Variants in CHRM3 observed in about 807,000 individuals in gnomAD.
CHRM3 encodes the protein cholinergic receptor muscarinic 3.
A neutral mutation model predicts 41.8 loss-of-function variants in CHRM3; 11 were observed. The observed-to-expected ratio is 0.26, with a 90% CI of 0.17 to 0.44. The LOEUF (loss-of-function observed/expected upper bound fraction) is 0.44. Ranked by LOEUF, CHRM3 falls within the 20% of genes least tolerant of loss-of-function variation. The probability of loss-of-function intolerance (pLI) is 1.00; values close to 1 mark genes in which losing one functional copy is unlikely to be tolerated. For missense variants in CHRM3, 571 were observed against 745.4 expected (o/e 0.77, Z 2.72); for synonymous variants, 297 against 301.4 (o/e 0.99, Z 0.15).
chr1:239,679,759 A>T (rs531755094), intron 5 of CHRM3, among the ~76,000 whole-genome samples: 233 of 152,256 alleles, frequency 1.5e-3, no homozygotes, highest in Non-Finnish European at 3.1e-3. Flanking sequence ...TGTATGCATG[A>T]TAACTAAGAA....
intron 5 of CHRM3, among the ~76,000 whole-genome samples, chr1:239,716,191 C>A (rs1470403118): frequency 6.6e-6 from 1 of 151,940 alleles, no homozygotes; most frequent in Admixed American, 6.6e-5. Context: ...CCAAAGGGAG[C>A]TTTTAGAAGT....
chr1:239,900,742 C>G (rs1679480978), intron 6 of CHRM3, among the ~76,000 whole-genome samples: 1 of 152,116 alleles, frequency 6.6e-6, no homozygotes, highest in South Asian at 2.1e-4. Flanking sequence ...AAGGCCCCTA[C>G]AGCAATGAGG....
chr1:239,588,866 CT>C (rs1663727145), intron 3 of CHRM3, among the ~76,000 whole-genome samples: 1 of 152,090 alleles, frequency 6.6e-6, no homozygotes, highest in Admixed American at 6.5e-5. Context: ...AAGAAAATCA[CT>C]TGTTAAATTT....
At chr1:239,837,778 A>G (rs1673450447) in intron 6 of CHRM3, among the ~76,000 whole-genome samples, 1 of 152,184 alleles carries the variant, frequency 6.6e-6, no homozygotes, top group Non-Finnish European at 1.5e-5. Context: ...TTAGAGTTTG[A>G]TATTCTCCTA....
intron 5 of CHRM3, among the ~76,000 whole-genome samples, chr1:239,779,233 C>T (rs574202712): frequency 6.6e-6 from 1 of 152,250 alleles, no homozygotes; most frequent in East Asian, 1.9e-4. Flanking sequence ...ACACCCCCTG[C>T]CCCAACACAT....
At chr1:239,608,938 A>G (rs529155927) in intron 3 of CHRM3, among the ~76,000 whole-genome samples, 19 of 152,314 alleles carry the variant, frequency 1.2e-4, no homozygotes, top group African/African-American at 4.3e-4. Context: ...CTATAAATCA[A>G]AACACAGAGT....
chr1:239,613,808 C>T (rs1667327785), intron 3 of CHRM3, among the ~76,000 whole-genome samples: 1 of 151,714 alleles, frequency 6.6e-6, no homozygotes, highest in Non-Finnish European at 1.5e-5. Flanking sequence ...ACACTCAACC[C>T]GCAGTAATGA....
chr1:239,467,392 C>T (rs1347984944), intron 1 of CHRM3, among the ~76,000 whole-genome samples: 3 of 152,066 alleles, frequency 2.0e-5, no homozygotes, highest in Non-Finnish European at 2.9e-5. Context: ...ACCTCTGCCT[C>T]CTGGGTTCAA....
intron 1 of CHRM3, among the ~76,000 whole-genome samples, chr1:239,459,991 G>A (rs1665236145): frequency 6.6e-6 from 1 of 152,128 alleles, no homozygotes; most frequent in Non-Finnish European, 1.5e-5. Flanking sequence ...ATTTGACTCT[G>A]CAAACAGCCC....
chr1:239,749,413 A>G (rs1295341299), intron 5 of CHRM3, among the ~76,000 whole-genome samples: 1 of 152,154 alleles, frequency 6.6e-6, no homozygotes, highest in Non-Finnish European at 1.5e-5. Context: ...TCATGCCTGT[A>G]ATCCCAGCAC....
At chr1:239,890,608 T>TG (rs1678473019) in intron 6 of CHRM3, among the ~76,000 whole-genome samples, 2 of 152,294 alleles carry the variant, frequency 1.3e-5, no homozygotes, top group East Asian at 1.9e-4. Flanking sequence ...TGGTGGGCAG[T>TG]ACCAATTATT....
At chr1:239,715,013 G>A (rs1318548106) in intron 5 of CHRM3, among the ~76,000 whole-genome samples, 1 of 152,072 alleles carries the variant, frequency 6.6e-6, no homozygotes, top group African/African-American at 2.4e-5. Flanking sequence ...GACCATGGAG[G>A]TAAGGGGGAA....
At chr1:239,557,243 T>C (rs1420679230) in intron 3 of CHRM3, among the ~76,000 whole-genome samples, 2 of 152,186 alleles carry the variant, frequency 1.3e-5, no homozygotes, top group East Asian at 3.9e-4. Flanking sequence ...TCTCTGTCAG[T>C]GTGATTCAAA....
chr1:239,539,370 C>T (rs1658513058), intron 2 of CHRM3, among the ~76,000 whole-genome samples: 1 of 152,176 alleles, frequency 6.6e-6, no homozygotes. Flanking sequence ...GAGCTGTGAG[C>T]TGGATGTCCC....
intron 5 of CHRM3, among the ~76,000 whole-genome samples, chr1:239,775,530 T>C (rs1334080634): frequency 6.6e-6 from 1 of 152,246 alleles, no homozygotes; most frequent in Non-Finnish European, 1.5e-5. Flanking sequence ...TAATTTGTAC[T>C]CTAAGAACTT....
intron 1 of CHRM3, among the ~76,000 whole-genome samples, chr1:239,457,422 G>A (rs369896788): frequency 4.6e-5 from 7 of 152,144 alleles, no homozygotes; most frequent in African/African-American, 9.6e-5. Context: ...TGTTATATAC[G>A]TGTCTTCTAT....
intron 5 of CHRM3, among the ~76,000 whole-genome samples, chr1:239,768,352 G>T (rs1006218221): frequency 1.3e-5 from 2 of 152,132 alleles, no homozygotes; most frequent in Non-Finnish European, 1.5e-5. Context: ...CAGTAGTCAG[G>T]ATAGGGTAAA....
chr1:239,898,644 T>C (rs1490494966), intron 6 of CHRM3, among the ~76,000 whole-genome samples: 1 of 152,194 alleles, frequency 6.6e-6, no homozygotes, highest in Non-Finnish European at 1.5e-5. Context: ...TTATACGCTT[T>C]TAATTGGTTC....
intron 4 of CHRM3, among the ~76,000 whole-genome samples, chr1:239,667,932 A>G (rs1673973339): frequency 6.6e-6 from 1 of 152,136 alleles, no homozygotes; most frequent in Admixed American, 6.6e-5. Flanking sequence ...ACTTAAAAGC[A>G]ATATGTAATA....
Sources: allele counts gnomAD v4.1 joint callset (sites outside exome capture counted in the v4.1 genomes callset), GRCh38; gene constraint gnomAD v4.1.1; transcripts MANE v1.5; gene names NCBI Gene and HGNC (gene_info 2026-07-23, HGNC 2026-07-21).